Variants in PSAPL1 observed in about 807,000 individuals in gnomAD.
PSAPL1 encodes the protein proactivator polypeptide-like 1.
For synonymous variants in PSAPL1, 351 were observed against 291.6 expected, an observed-to-expected ratio of 1.20 and a Z score of -2.08; for missense variants, 814 against 688.8, an observed-to-expected ratio of 1.18 and a Z score of -2.03.
Position 7,434,676 on chromosome 4 carries a change from C to T in PSAPL1, c.204G>A (p.Gln68=), listed in dbSNP as rs193018169. Residue 68 remains glutamine, a synonymous_variant, in exon 1 of 1, where the codon CAG becomes CAA. Coordinates refer to ENST00000319098, the MANE Select transcript of PSAPL1 (RefSeq NM_001085382.2). ...CATTGCCAGCGGCGGCTGCTATGTC[C>T]TGGCATACGTCGCAGGGCAGAGACT... ...TAKSLPCDVC[Q]DIAAAAGNGL... is the part of the protein sequence containing the mutation. 5.2e-5 allele frequency: 84 copies of T among 1,612,844 alleles called. No homozygotes were observed. In the African/African-American group the frequency reaches 1.0e-3, roughly 20 times the overall value.
rs1215631473 is a variant in PSAPL1, at chr4:7,431,253, C to T, written c.*2061G>A. The T allele has an allele frequency of 6.6e-6, 1 of 152,288 alleles. No individual in the cohort carries two copies. The highest frequency in any genetic ancestry group is 2.4e-5 in the African/African-American group (1 of 41,434). 9.4% of individuals were successfully genotyped at this position (152,288 alleles called of 1,614,324 possible). ...TGTGGGAGCAGCTGGTACCCAGGCC[C>T]AAGGGGTGGGTAGGGAAGAGGGTGT... On this transcript the variant is annotated 3_prime_UTR_variant, in exon 1 of 1. Transcript: ENST00000319098.
Position 7,433,787 on chromosome 4 carries a change from G to T in PSAPL1, c.1093C>A (p.Leu365Met), listed in dbSNP as rs944992172. Residue 365 changes from leucine (L) to methionine (M), a missense_variant, in exon 1 of 1, where the codon CTG (leucine) becomes ATG (methionine). By Grantham distance (15) the Leu-to-Met change is conservative. Coordinates refer to ENST00000319098, the MANE Select transcript of PSAPL1 (RefSeq NM_001085382.2). ...TPEKVCKFIRLCGNRRRARAV... is the reference protein window; with the variant it reads ...TPEKVCKFIRMCGNRRRARAV... ...CGGGCCCGCCTCCGGTTGCCACACA[G>T]ACGGATGAACTTGCACACCTTCTCT... 6 of 1,613,626 alleles carry T rather than the reference G, an allele frequency of 3.7e-6. No homozygotes were observed. Among genetic ancestry groups the T allele is most frequent in the Non-Finnish European group, 5.1e-6 (6 of 1,179,802 alleles).
chr4:7,434,287 A>G lies in PSAPL1; in HGVS notation c.593T>C (p.Val198Ala), dbSNP rs1433269373. ...GTCGGCCAAGGTCAAGTTGGACCGG[A>G]CAGCCTCCTGGAGTCGGGAGACCTG... ...VRQVSRLQEA[V>A]RSNLTLADLN... Residue 198 changes from valine (V) to alanine (A), a missense_variant, in exon 1 of 1, where the codon GTC becomes GCC. By Grantham distance (64) the Val-to-Ala change is moderately conservative (BLOSUM62 0). Coordinates refer to ENST00000319098, the MANE Select transcript of PSAPL1 (RefSeq NM_001085382.2). 6.2e-7 allele frequency: 1 copy of G among 1,612,844 alleles called. No homozygotes were observed. Among genetic ancestry groups the G allele is most frequent in the East Asian group, 2.2e-5 (1 of 44,882 alleles).
Position 7,434,647 on chromosome 4 carries a change from A to G in PSAPL1, c.233T>C (p.Leu78Pro). ...QDIAAAAGNG[L>P]NPDATESDIL... ...GTCAGACTCCGTGGCGTCAGGGTTC[A>G]GCCCATTGCCAGCGGCGGCTGCTAT... The change falls in exon 1 of 1, where the codon CTG becomes CCG. Residue 78 changes from leucine (L) to proline (P), a missense_variant. Transcript: ENST00000319098. 1.9e-6 allele frequency: 3 copies of G among 1,613,394 alleles called. No individual in the cohort carries two copies. Among genetic ancestry groups the G allele is most frequent in the Non-Finnish European group, 1.7e-6 (2 of 1,179,656 alleles).
In PSAPL1 at chr4:7,433,222, A is replaced by C; in HGVS notation, c.*92T>G. 10 of 1,278,858 alleles carry C rather than the reference A, an allele frequency of 7.8e-6. No individual in the cohort carries two copies. The highest frequency in any genetic ancestry group is 1.5e-5 in the African/African-American group (1 of 66,032). The allele number at this position is 1,278,858 out of a possible 1,614,324, so 79.2% of individuals were successfully genotyped here. A position where few individuals can be genotyped will look rare whatever the true frequency, so the allele number is the denominator to read the frequency against. ...CTGCTCCTTCCCAGCCTCCCTCCTCAGAGCTTCAGTTTTTCATTTGTGAAA... is the reference window on the plus strand; with the variant it reads ...CTGCTCCTTCCCAGCCTCCCTCCTCCGAGCTTCAGTTTTTCATTTGTGAAA... On this transcript the variant is annotated 3_prime_UTR_variant, in exon 1 of 1. Transcript: ENST00000319098.
rs1433085322 is a variant in PSAPL1, at chr4:7,431,197, A to G, written c.*2117T>C. The G allele has an allele frequency of 2.6e-5, 4 of 152,506 alleles. No individual in the cohort carries two copies. Among genetic ancestry groups the G allele is most frequent in the African/African-American group, 9.6e-5 (4 of 41,534 alleles). The allele number at this position is 152,506 out of a possible 1,614,324, so 9.4% of individuals were successfully genotyped here. On this transcript the variant is annotated 3_prime_UTR_variant, in exon 1 of 1. Coordinates refer to ENST00000319098, the MANE Select transcript of PSAPL1 (RefSeq NM_001085382.2). ...TGAGCTCCGTTCATCACGGGCAACC[A>G]TCTAGTGGAGACGCATGTGCTCAGT...
In PSAPL1 at chr4:7,433,790, G is replaced by A. The variant is rs772124856; in HGVS notation, c.1090C>T (p.Arg364Cys). The change falls in exon 1 of 1, where the codon CGT becomes TGT. Residue 364 changes from arginine (R) to cysteine (C), a missense_variant. Transcript: ENST00000319098. ...GCCCGCCTCCGGTTGCCACACAGAC[G>A]GATGAACTTGCACACCTTCTCTGGG... is the stretch of plus-strand genomic sequence containing the variant. ...ITPEKVCKFI[R>C]LCGNRRRARA... 5.0e-6 allele frequency: 8 copies of A among 1,613,548 alleles called. No individual in the cohort carries two copies. The East Asian group carries it at 8.9e-5, about 18-fold the overall frequency.
rs1321248054 is a variant in PSAPL1 at position 7,434,273 on chromosome 4, T to C, written c.607A>G (p.Thr203Ala). 6.2e-7 allele frequency: 1 copy of C among 1,613,224 alleles called. No homozygotes were observed. The highest frequency in any genetic ancestry group is 8.5e-7 in the Non-Finnish European group (1 of 1,179,820). Residue 203 changes from threonine to alanine, a missense_variant, in exon 1 of 1, where the codon ACC (threonine) becomes GCC (alanine). Physicochemically the swap from Thr to Ala is moderately conservative, Grantham distance 58. Coordinates refer to ENST00000319098, the MANE Select transcript of PSAPL1 (RefSeq NM_001085382.2). ...TCCTGGATGTTCAAGTCGGCCAAGGTCAAGTTGGACCGGACAGCCTCCTGG... is the reference window on the plus strand; with the variant it reads ...TCCTGGATGTTCAAGTCGGCCAAGGCCAAGTTGGACCGGACAGCCTCCTGG... The part of the protein sequence containing the change: ...RLQEAVRSNL[T>A]LADLNIQEQC...
In PSAPL1 at chr4:7,434,637, G is replaced by A. The variant is rs757529026; in HGVS notation, c.243C>T (p.Asp81=). 38 of 1,613,232 alleles carry A rather than the reference G, an allele frequency of 2.4e-5. No homozygotes were observed. The highest frequency in any genetic ancestry group is 1.3e-4 in the African/African-American group (10 of 74,930). The change falls in exon 1 of 1, where the codon GAC becomes GAT. Residue 81 remains aspartate (D), a synonymous_variant. Coordinates refer to ENST00000319098, the MANE Select transcript of PSAPL1 (RefSeq NM_001085382.2). ...AAGCCAGGATGTCAGACTCCGTGGC[G>A]TCAGGGTTCAGCCCATTGCCAGCGG... ...AAAAGNGLNP[D]ATESDILALV... is the part of the protein sequence containing the mutation.
chr4:7,434,066 C>G lies in PSAPL1; in HGVS notation c.814G>C (p.Val272Leu), dbSNP rs762818927. The G allele has an allele frequency of 3.7e-6, 6 of 1,611,094 alleles. No individual in the cohort carries two copies. The highest frequency in any genetic ancestry group is 1.3e-5 in the African/African-American group (1 of 74,914). ...GGCAACCCCAGCTCCAGGGAGGGGA[C>G]CCCGTCCATGGCCACTACTTGAGTC... is the stretch of plus-strand genomic sequence containing the variant. ...RLTQVVAMDG[V>L]PSLELGLPRK... Residue 272 changes from valine (V) to leucine (L), a missense_variant, in exon 1 of 1, where the codon GTC becomes CTC. Physicochemically the swap from Val to Leu is conservative, Grantham distance 32. Transcript: ENST00000319098.
In PSAPL1 at chr4:7,433,910, C is replaced by G. The variant is rs377051073; in HGVS notation, c.970G>C (p.Val324Leu). Residue 324 changes from valine to leucine, a missense_variant, in exon 1 of 1, where the codon GTG becomes CTG. Val to Leu is a conservative substitution (Grantham distance 32, BLOSUM62 1). Transcript: ENST00000319098. ...ELMITHALERVCSVMPASITK... is the reference protein window; with the variant it reads ...ELMITHALERLCSVMPASITK... ...ATAGAGGCAGGCATTACCGAGCACA[C>G]GCGCTCCAGGGCATGGGTGATCATG... 1.9e-6 allele frequency: 3 copies of G among 1,613,718 alleles called. No homozygotes were observed. The highest frequency in any genetic ancestry group is 1.7e-6 in the Non-Finnish European group (2 of 1,179,902).
rs115136197 is a variant in PSAPL1, at chr4:7,432,942, A to T, written c.*372T>A. On this transcript the variant is annotated 3_prime_UTR_variant, in exon 1 of 1. Transcript: ENST00000319098. ...CCTGCCTCCGCTCACCCCGGCCATGACCCCAGCCTGGCTCACAGCCAGATG... is the reference window on the plus strand; with the variant it reads ...CCTGCCTCCGCTCACCCCGGCCATGTCCCCAGCCTGGCTCACAGCCAGATG... 2,687 of 171,130 alleles carry T rather than the reference A, an allele frequency of 0.016. 82 individuals carry two copies. Among genetic ancestry groups the T allele is most frequent in the African/African-American group, 0.061 (2,569 of 42,428 alleles). The allele number at this position is 171,130 out of a possible 1,614,324, so 10.6% of individuals were successfully genotyped here.
chr4:7,434,314 C>T lies in PSAPL1; in HGVS notation c.566G>A (p.Arg189Gln), dbSNP rs754509129. The T allele has an allele frequency of 1.6e-5, 25 of 1,611,406 alleles. No homozygotes were observed. Among genetic ancestry groups the T allele is most frequent in the Admixed American group, 3.3e-5 (2 of 59,716 alleles). ...PEGALCQDCVRQVSRLQEAVR... is the reference protein window; with the variant it reads ...PEGALCQDCVQQVSRLQEAVR... ...AGCCTCCTGGAGTCGGGAGACCTGC[C>T]GTACACAGTCTTGGCACAGAGCTCC... Residue 189 changes from arginine to glutamine, a missense_variant, in exon 1 of 1, where the codon CGG becomes CAG. By Grantham distance (43) the Arg-to-Gln change is conservative. Transcript: ENST00000319098.
chr4:7,434,416 T>C lies in PSAPL1; in HGVS notation c.464A>G (p.Lys155Arg), dbSNP rs1392616807. Residue 155 changes from lysine (K) to arginine (R), a missense_variant, in exon 1 of 1, where the codon AAA (lysine) becomes AGA (arginine). By Grantham distance (26) the Lys-to-Arg change is conservative. Transcript: ENST00000319098. The part of the protein sequence containing the change: ...RHLATLRPLS[K>R]EDTFEAVAPF... ...AGCCACAGCCTCAAAGGTGTCCTCT[T>C]TGGAGAGTGGCCTCAGGGTGGCCAG... 6.2e-7 allele frequency: 1 copy of C among 1,608,678 alleles called. No homozygotes were observed. Among genetic ancestry groups the C allele is most frequent in the Non-Finnish European group, 8.5e-7 (1 of 1,178,264 alleles).
At position 7,433,318 on chromosome 4, in the gene PSAPL1, G is replaced by T. The variant is rs186026629; in HGVS notation, c.1562C>A (p.Ala521Glu). Residue 521 changes from alanine to glutamate, a missense_variant, in exon 1 of 1, where the codon GCG becomes GAG. Physicochemically the swap from Ala to Glu is moderately radical, Grantham distance 107. Coordinates refer to ENST00000319098, the MANE Select transcript of PSAPL1 (RefSeq NM_001085382.2). ...KEMHLHAGEHA is the reference protein window; with the variant it reads ...KEMHLHAGEHE ...CTGGGTCTCTGGCAGCCACGGTCAC[G>T]CGTGTTCCCCAGCGTGGAGGTGCAT... 1 of 1,403,150 alleles carries T rather than the reference G, an allele frequency of 7.1e-7. No homozygotes were observed. The allele number at this position is 1,403,150 out of a possible 1,614,324, so 86.9% of individuals were successfully genotyped here.
rs1727027881 is a variant in PSAPL1 at position 7,433,434 on chromosome 4, A to G, written c.1446T>C (p.Cys482=). The change falls in exon 1 of 1, where the codon TGT becomes TGC. Residue 482 remains cysteine, a synonymous_variant. Coordinates refer to ENST00000319098, the MANE Select transcript of PSAPL1 (RefSeq NM_001085382.2). ...TGCACCAGAAGCTTGGGCCCAGGGC[A>G]CACTGGTCGGTGCCCAGCAGTGGGG... ...PRTPLLGTDQ[C]ALGPSFWCRS... is the part of the protein sequence containing the mutation. 3 of 1,530,408 alleles carry G rather than the reference A, an allele frequency of 2.0e-6. No homozygotes were observed. The highest frequency in any genetic ancestry group is 2.6e-6 in the Non-Finnish European group (3 of 1,140,734). The allele number at this position is 1,530,408 out of a possible 1,614,324, so 94.8% of individuals were successfully genotyped here.
chr4:7,434,698 G>A lies in PSAPL1; in HGVS notation c.182C>T (p.Ser61Phe). The A allele has an allele frequency of 6.2e-7, 1 of 1,612,988 alleles. No individual in the cohort carries two copies. The highest frequency in any genetic ancestry group is 2.2e-5 in the East Asian group (1 of 44,844). ...GAVWNKPTAKSLPCDVCQDIA... is the reference protein window; with the variant it reads ...GAVWNKPTAKFLPCDVCQDIA... The stretch of plus-strand genomic sequence containing the variant: ...GTCCTGGCATACGTCGCAGGGCAGA[G>A]ACTTCGCGGTGGGTTTGTTCCATAC... Residue 61 changes from serine (S) to phenylalanine (F), a missense_variant, in exon 1 of 1, where the codon TCT becomes TTT. Coordinates refer to ENST00000319098, the MANE Select transcript of PSAPL1 (RefSeq NM_001085382.2).
Position 7,434,687 on chromosome 4 carries a change from C to T in PSAPL1, c.193G>A (p.Asp65Asn), listed in dbSNP as rs532158417. The T allele has an allele frequency of 1.0e-4, 164 of 1,612,844 alleles. 3 individuals carry two copies. The East Asian group carries it at 3.2e-3, about 32-fold the overall frequency. The part of the protein sequence containing the change: ...NKPTAKSLPC[D>N]VCQDIAAAAG... ...GCGGCTGCTATGTCCTGGCATACGT[C>T]GCAGGGCAGAGACTTCGCGGTGGGT... The change falls in exon 1 of 1, where the codon GAC becomes AAC. Residue 65 changes from aspartate to asparagine, a missense_variant. Physicochemically the swap from Asp to Asn is conservative, Grantham distance 23. Transcript: ENST00000319098.
Position 7,433,777 on chromosome 4 carries a change from T to C in PSAPL1, c.1103A>G (p.Asn368Ser). 6.2e-7 allele frequency: 1 copy of C among 1,613,444 alleles called. No individual in the cohort carries two copies. Residue 368 changes from asparagine to serine, a missense_variant, in exon 1 of 1, where the codon AAC becomes AGC. Asn to Ser is a conservative substitution (Grantham distance 46). Transcript: ENST00000319098. The stretch of plus-strand genomic sequence containing the variant: ...ATGGACTGCCCGGGCCCGCCTCCGG[T>C]TGCCACACAGACGGATGAACTTGCA... ...KVCKFIRLCGNRRRARAVHDA... is the reference protein window; with the variant it reads ...KVCKFIRLCGSRRRARAVHDA...
Sources: allele counts gnomAD v4.1 joint callset, GRCh38; gene constraint gnomAD v4.1.1; transcripts MANE v1.5; gene names NCBI Gene and HGNC (gene_info 2026-07-23, HGNC 2026-07-21).